The following NPAS1 variants were observed in gnomAD, a reference collection of about 807,000 sequenced individuals.
NPAS1 encodes the protein neuronal PAS domain-containing protein 1.
NPAS1 carries 29 observed loss-of-function variants against 49.2 expected under a neutral mutation model. That is an observed-to-expected ratio of 0.59 (90% CI 0.44 to 0.80). The LOEUF is 0.80. Ranked by LOEUF, NPAS1 falls within the 30% of genes least tolerant of loss-of-function variation. The pLI is 0.00. For synonymous variants in NPAS1, 408 were observed against 380.4 expected, an observed-to-expected ratio of 1.07 and a Z score of -0.84; for missense variants, 825 against 835.5, an observed-to-expected ratio of 0.99 and a Z score of 0.15.
In NPAS1 at chr19:47,031,531, CTTTCT is replaced by C. The variant is rs777420169; in HGVS notation, c.359-743_359-739del. 2.1e-4 allele frequency among the ~76,000 whole-genome samples: 16 copies of C among 76,544 alleles called. No individual in the cohort carries two copies. The South Asian group carries it at 2.5e-3, about 12-fold the overall frequency. 50.2% of individuals were successfully genotyped at this position (76,544 alleles called of 152,430 possible). A position where few individuals can be genotyped will look rare whatever the true frequency, so the allele number is the denominator to read the frequency against. ...TCTTTTCTTTCTCTCTTTTTTCTTT[CTTTCT>C]TTTTTTTTTTTTGAGATGGAGTCTC... On this transcript the variant is annotated intron_variant, in intron 3 of 11. Coordinates refer to ENST00000602212, the MANE Select transcript of NPAS1 (RefSeq NM_002517.4).
At position 47,045,390 on chromosome 19, in the gene NPAS1, G is replaced by C; in HGVS notation, c.1512G>C (p.Lys504Asn). The change falls in exon 12 of 12, where the codon AAG becomes AAC. Residue 504 changes from lysine (K) to asparagine (N), a missense_variant. Physicochemically the swap from Lys to Asn is moderately conservative, Grantham distance 94 (BLOSUM62 0). Transcript: ENST00000602212. ...FTSVIRAGVL[K>N]QDPVRPWGLA... Reference sequence around the variant, plus strand: ...CTGTCATCCGGGCAGGGGTCCTGAAGCAGGATCCGGTGCGGCCATGGGGCC... The same window carrying C: ...CTGTCATCCGGGCAGGGGTCCTGAACCAGGATCCGGTGCGGCCATGGGGCC... 6.2e-7 allele frequency: 1 copy of C among 1,612,884 alleles called. No homozygotes were observed. The highest frequency in any genetic ancestry group is 8.5e-7 in the Non-Finnish European group (1 of 1,179,680).
chr19:47,041,995 A>G (rs1399521492), intron 10 of NPAS1, among the ~76,000 whole-genome samples: 6 of 135,664 alleles, frequency 4.4e-5, no homozygotes, highest in South Asian at 2.7e-4. Flanking sequence ...AAAAAAAAAA[A>G]AAAAAAAAAA....
chr19:47,027,419 C>CCCCTCTCTCTGCGCCTGGTCT (rs2056879394), intron 3 of NPAS1, among the ~76,000 whole-genome samples: 1 of 139,090 alleles, frequency 7.2e-6, no homozygotes, highest in Non-Finnish European at 1.6e-5. Flanking sequence ...CCCCTGGGTC[C>CCCCTCTCTCTGCGCCTGGTCT]CCCTCTCTCT....
intron 5 of NPAS1, 70 bp downstream of exon 5, chr19:47,032,802 CCTCT>C (rs1193474054): frequency 5.4e-6 from 6 of 1,116,752 alleles, no homozygotes; most frequent in Non-Finnish European, 8.2e-6. Flanking sequence ...GCATATCCTT[CCTCT>C]CTCCTGGTCT....
chr19:47,037,385 G>T (rs1174703989), intron 6 of NPAS1, among the ~76,000 whole-genome samples: 2 of 143,342 alleles, frequency 1.4e-5, no homozygotes, highest in Non-Finnish European at 3.0e-5. Flanking sequence ...TAGATCCTAA[G>T]CGCAGGCCCA....
At chr19:47,036,814 G>A (rs1273353530) in intron 6 of NPAS1, among the ~76,000 whole-genome samples, 1 of 151,880 alleles carries the variant, frequency 6.6e-6, no homozygotes, top group African/African-American at 2.4e-5. Context: ...CCCAGGAGAT[G>A]GATGTTGCAG....
At chr19:47,031,398 A>G (rs542872632) in intron 3 of NPAS1, among the ~76,000 whole-genome samples, 51 of 151,182 alleles carry the variant, frequency 3.4e-4, no homozygotes, top group Non-Finnish European at 4.9e-4. Context: ...CGGTTTCACC[A>G]TGTTGCCCAG....
intron 11 of NPAS1, among the ~76,000 whole-genome samples, chr19:47,043,843 T>C (rs960768151): frequency 6.6e-6 from 1 of 152,108 alleles, no homozygotes. Context: ...GGTAAGAGAA[T>C]TGCTTTAGCC....
intron 3 of NPAS1, among the ~76,000 whole-genome samples, chr19:47,023,281 G>A (rs2056852988): frequency 6.6e-6 from 1 of 152,102 alleles, no homozygotes; most frequent in South Asian, 2.1e-4. Context: ...GGGAAAGGGG[G>A]GGCTAAGAGA....
intron 11 of NPAS1, 126 bp from the exon 12 acceptor site, chr19:47,045,065 C>CAA: frequency 2.7e-5 from 24 of 883,112 alleles, no homozygotes; most frequent in Non-Finnish European, 3.8e-5. Flanking sequence ...AACAAACAAA[C>CAA]AAAAAAAAAA....
rs1416812051 is a variant in NPAS1 at position 47,032,279 on chromosome 19, C to A, written c.360C>A (p.Ala120=). ...LRAAGPPAGL[A]PGRRGPAALV... ...GCTTCATCCTTCCATCTGCCCCAGC[C>A]CCAGGCCGCCGCGGCCCCGCAGCGC... The change falls in exon 4 of 12, where the codon GCC becomes GCA. Residue 120 remains alanine, a splice_region_variant and synonymous_variant. Transcript: ENST00000602212. 6.2e-7 allele frequency: 1 copy of A among 1,613,852 alleles called. No homozygotes were observed. The highest frequency in any genetic ancestry group is 2.2e-5 in the East Asian group (1 of 44,876).
rs529908426 is a variant in NPAS1, at chr19:47,032,363, C to T, written c.432+12C>T. ...GTCACATCTTGCAGGTGAGTGAGGC[C>T]CCTTCCCTGCCTGCCGCTCCTTGCT... On this transcript the variant is annotated intron_variant, in intron 4 of 11. Transcript: ENST00000602212. 2 of 1,613,390 alleles carry T rather than the reference C, an allele frequency of 1.2e-6. No individual in the cohort carries two copies. Among genetic ancestry groups the T allele is most frequent in the Admixed American group, 1.7e-5 (1 of 59,956 alleles).
intron 5 of NPAS1, among the ~76,000 whole-genome samples, chr19:47,033,532 C>G (rs541736610): frequency 2.0e-5 from 3 of 152,086 alleles, no homozygotes; most frequent in African/African-American, 7.2e-5. Flanking sequence ...TGAGCCACCG[C>G]GCCCAGCCTG....
At chr19:47,033,625 G>C (rs2122493231) in intron 5 of NPAS1, among the ~76,000 whole-genome samples, 1 of 152,278 alleles carries the variant, frequency 6.6e-6, no homozygotes, top group South Asian at 2.1e-4. Flanking sequence ...CGGGCCAGAT[G>C]CACCATATTT....
At chr19:47,039,369 C>T (rs199769154) in intron 7 of NPAS1, 38 bp from the exon 8 acceptor site, 36 of 1,608,416 alleles carry the variant, frequency 2.2e-5, no homozygotes, top group East Asian at 1.1e-4. Context: ...CCCACTGGCC[C>T]GCCTTGTCCC....
rs2057017581 is a variant in NPAS1, at chr19:47,041,142, C to A, written c.1217+17C>A. ...CGTGCTCAGGTGAGGGCTGTGCCCA[C>A]CCCTCCTGCAGGGCACTCAGGGCCC... is the stretch of plus-strand genomic sequence containing the variant. On this transcript the variant is annotated intron_variant, in intron 10 of 11. Coordinates refer to ENST00000602212, the MANE Select transcript of NPAS1 (RefSeq NM_002517.4). 5 of 1,553,314 alleles carry A rather than the reference C, an allele frequency of 3.2e-6. No individual in the cohort carries two copies. The South Asian group carries it at 3.6e-5, about 11-fold the overall frequency.
At position 47,021,791 on chromosome 19, in the gene NPAS1, C is replaced by T; in HGVS notation, c.302C>T (p.Ala101Val). The change falls in exon 3 of 12, where the codon GCC becomes GTC. Residue 101 changes from alanine to valine, a missense_variant. Physicochemically the swap from Ala to Val is moderately conservative, Grantham distance 64. Transcript: ENST00000602212. This position sits in a 1 kb window ranked among gnomAD's most constrained non-coding sequence, Gnocchi z 5.7. ...ACCTACCTCCGCCTGCGCCGGTTCG[C>T]CGCGCTGGGGGCGCCGCCCTGGGGG... is the stretch of plus-strand genomic sequence containing the variant. The part of the protein sequence containing the change: ...SVTYLRLRRF[A>V]ALGAPPWGLR... 6.5e-7 allele frequency: 1 copy of T among 1,531,472 alleles called. No homozygotes were observed. Among genetic ancestry groups the T allele is most frequent in the Non-Finnish European group, 8.8e-7 (1 of 1,140,218 alleles). 94.9% of individuals were successfully genotyped at this position (1,531,472 alleles called of 1,614,324 possible).
chr19:47,039,152 G>A lies in NPAS1; in HGVS notation c.804+1G>A. On this transcript the variant is annotated splice_donor_variant, in intron 7 of 11. Coordinates refer to ENST00000602212, the MANE Select transcript of NPAS1 (RefSeq NM_002517.4). LOFTEE classifies it high-confidence loss of function. ...GCACGTCAAGGCCTCAGGGTACAAG[G>A]TGGGTGTGAGCAGTCAGGCTCCTGT... 1 of 1,603,850 alleles carries A rather than the reference G, an allele frequency of 6.2e-7. No homozygotes were observed. The highest frequency in any genetic ancestry group is 2.2e-5 in the East Asian group (1 of 44,842).
intron 10 of NPAS1, 68 bp downstream of exon 10, chr19:47,041,193 G>A: frequency 7.1e-7 from 1 of 1,406,846 alleles, no homozygotes; most frequent in Non-Finnish European, 9.3e-7. Flanking sequence ...CCTCCAGTGG[G>A]GGTGCTTTGG....
Sources: allele counts gnomAD v4.1 joint callset (sites outside exome capture counted in the v4.1 genomes callset), GRCh38; gene constraint gnomAD v4.1.1; non-coding constraint Gnocchi (gnomAD v3.1); transcripts MANE v1.5; gene names NCBI Gene and HGNC (gene_info 2026-07-23, HGNC 2026-07-21).